KLHL5: variants seen among roughly 807,000 people sequenced by gnomAD.
KLHL5 encodes the protein kelch-like protein 5.
KLHL5 carries 48 observed loss-of-function variants against 77.7 expected under a neutral mutation model. The ratio of observed to expected loss-of-function variants is 0.62; its 90% CI spans 0.49 to 0.79. The LOEUF is 0.79. Among genes scored for constraint, KLHL5 ranks in the 30% least tolerant of loss-of-function variants. KLHL5 has a pLI of 0.00. For missense variants in KLHL5, 723 were observed against 859.7 expected, an observed-to-expected ratio of 0.84 and a Z score of 1.99; for synonymous variants, 260 against 297.0, an observed-to-expected ratio of 0.88 and a Z score of 1.28.
intron 1 of KLHL5, among the ~76,000 whole-genome samples, chr4:39,065,188 C>T (rs1346493084): frequency 1.3e-5 from 2 of 151,988 alleles, no homozygotes; most frequent in Non-Finnish European, 2.9e-5. Flanking sequence ...CTAATTTTTA[C>T]ATCTTCCTTC....
the KLHL5 span, among the ~76,000 whole-genome samples, chr4:39,137,363 A>G: frequency 6.6e-6 from 1 of 151,718 alleles, no homozygotes; most frequent in African/African-American, 2.4e-5. Context: ...AAAAAAAAAG[A>G]ATGATCTTCA....
chr4:39,128,315 T>A (rs1348606767), downstream of KLHL5, among the ~76,000 whole-genome samples: 1 of 152,090 alleles, frequency 6.6e-6, no homozygotes, highest in Non-Finnish European at 1.5e-5. Flanking sequence ...TATCACAGAT[T>A]CTGAAACACA....
In KLHL5 at chr4:39,122,403, G is replaced by T. The variant is rs1276750075; in HGVS notation, c.*1337G>T. Among the ~76,000 whole-genome samples, 1 of 152,166 alleles carries T rather than the reference G, an allele frequency of 6.6e-6. No homozygotes were observed. The highest frequency in any genetic ancestry group is 1.5e-5 in the Non-Finnish European group (1 of 68,032). On this transcript the variant is annotated 3_prime_UTR_variant, in exon 11 of 11. Transcript: ENST00000504108. ...GCTAAGGAAATTGGGGTACAGAGAAGTTAGCCCCAAGGTTATATATTGCAA... is the reference window on the plus strand; with the variant it reads ...GCTAAGGAAATTGGGGTACAGAGAATTTAGCCCCAAGGTTATATATTGCAA...
At chr4:39,082,424 G>T (rs1358405914) in intron 4 of KLHL5, among the ~76,000 whole-genome samples, 1 of 152,130 alleles carries the variant, frequency 6.6e-6, no homozygotes, top group Non-Finnish European at 1.5e-5. Context: ...AAGATTTTCA[G>T]ATTTGCTGCT....
At chr4:39,084,105 G>C (rs758984598) in intron 4 of KLHL5, among the ~76,000 whole-genome samples, 4 of 152,132 alleles carry the variant, frequency 2.6e-5, no homozygotes, top group Non-Finnish European at 2.9e-5. Context: ...TATTCCAAAG[G>C]GGGAAAGGTC....
At chr4:39,046,927 T>C (rs1047067150) in intron 1 of KLHL5, among the ~76,000 whole-genome samples, 3 of 152,228 alleles carry the variant, frequency 2.0e-5, no homozygotes, top group African/African-American at 7.2e-5. Context: ...TGAGAAAATA[T>C]TTCCTTTCTT....
At chr4:39,128,259 C>A (rs1436625912), downstream of KLHL5, among the ~76,000 whole-genome samples, 1 of 152,136 alleles carries the variant, frequency 6.6e-6, no homozygotes, top group Non-Finnish European at 1.5e-5. Context: ...TAGATTTGAT[C>A]TTTTGAGGTA....
At chr4:39,049,379 A>G (rs1716453098) in intron 1 of KLHL5, among the ~76,000 whole-genome samples, 1 of 152,210 alleles carries the variant, frequency 6.6e-6, no homozygotes, top group Non-Finnish European at 1.5e-5. Context: ...CATTCAATAA[A>G]CATTTGTTGA....
At chr4:39,073,833 T>TTA (rs879841996) in intron 1 of KLHL5, among the ~76,000 whole-genome samples, 8 of 150,462 alleles carry the variant, frequency 5.3e-5, no homozygotes, top group African/African-American at 1.9e-4. Context: ...TTTTTATTTT[T>TTA]TTTTTTGTAT....
chr4:39,129,487 C>T (rs889439345), downstream of KLHL5, among the ~76,000 whole-genome samples: 5 of 152,180 alleles, frequency 3.3e-5, no homozygotes, highest in Admixed American at 1.3e-4. This position sits in a 1 kb window ranked among gnomAD's most constrained non-coding sequence, Gnocchi z 4.2. Context: ...GGATTACAGG[C>T]ATGAGTCACT....
intron 8 of KLHL5, 114 bp from the exon 9 acceptor site, chr4:39,112,906 G>A: frequency 1.1e-6 from 1 of 872,846 alleles, no homozygotes; most frequent in Non-Finnish European, 1.8e-6. Context: ...TTGACAGTGT[G>A]TTTTATAACT....
At position 39,122,767 on chromosome 4, in the gene KLHL5, C is replaced by T. The variant is rs750601936; in HGVS notation, c.*1701C>T. ...GGAGGAGCTTGCAGTGTGCCAAGAT[C>T]GCACCACTGCACTCCAGCCTGGGTG... On this transcript the variant is annotated 3_prime_UTR_variant, in exon 11 of 11. Transcript: ENST00000504108. Among the ~76,000 whole-genome samples, 5 of 151,794 alleles carry T rather than the reference C, an allele frequency of 3.3e-5. No homozygotes were observed. The highest frequency in any genetic ancestry group is 1.9e-4 in the East Asian group (1 of 5,174).
At chr4:39,086,493 A>G in intron 4 of KLHL5, 22 bp from the exon 5 acceptor site, 1 of 1,573,322 alleles carries the variant, frequency 6.4e-7, no homozygotes, top group East Asian at 2.2e-5. Context: ...AATATTGTTT[A>G]TCTGCTATTT....
At chr4:39,134,924 C>G in the KLHL5 span, among the ~76,000 whole-genome samples, 1 of 152,106 alleles carries the variant, frequency 6.6e-6, no homozygotes, top group Admixed American at 6.6e-5. Context: ...TTGAAGGGAG[C>G]CAAATGCTTT....
At chr4:39,138,201 TC>T in the KLHL5 span, among the ~76,000 whole-genome samples, 6 of 152,140 alleles carry the variant, frequency 3.9e-5, no homozygotes, top group African/African-American at 1.4e-4. Flanking sequence ...TGGTGATTCC[TC>T]AAAGACCTAA....
At chr4:39,141,097 A>T in the KLHL5 span, among the ~76,000 whole-genome samples, 1 of 152,180 alleles carries the variant, frequency 6.6e-6, no homozygotes, top group Non-Finnish European at 1.5e-5. Flanking sequence ...AGTAACAAGG[A>T]GACAGGGTCA....
chr4:39,120,862 C>G lies in KLHL5; in HGVS notation c.2074-148C>G, dbSNP rs185188665. 5 of 600,978 alleles carry G rather than the reference C, an allele frequency of 8.3e-6. No homozygotes were observed. The East Asian group carries it at 1.4e-4, about 17-fold the overall frequency. The allele number at this position is 600,978 out of a possible 1,614,324, so 37.2% of individuals were successfully genotyped here. ...TGGAAGGTGGCTCTTGGGAAGGGGA[C>G]CAGGCCAGAAACAGCGCTGATACAG... On this transcript the variant is annotated intron_variant, in intron 10 of 10. Transcript: ENST00000504108.
chr4:39,107,547 AT>A (rs1722141040), intron 7 of KLHL5, 21 bp from the exon 8 acceptor site: 1 of 1,543,338 alleles, frequency 6.5e-7, no homozygotes, highest in African/African-American at 1.7e-5. Context: ...GAAGTCGTTA[AT>A]TGTTTCCTGT....
At chr4:39,107,462 G>T in intron 7 of KLHL5, 107 bp from the exon 8 acceptor site, 2 of 558,660 alleles carry the variant, frequency 3.6e-6, no homozygotes, top group Admixed American at 3.5e-5. Flanking sequence ...TGTTTACTCA[G>T]TTCTATTTGT....
Sources: gnomAD v4.1 joint callset for allele counts (sites outside exome capture counted in the v4.1 genomes callset) on GRCh38, gnomAD v4.1.1 for gene constraint, Gnocchi (gnomAD v3.1) non-coding constraint, MANE v1.5 for transcripts, NCBI Gene and HGNC (gene_info 2026-07-23, HGNC 2026-07-21) for gene names.